The following PABIR3 variants were observed in gnomAD, a reference collection of about 807,000 sequenced individuals.
PABIR3 encodes the protein PABIR family member 1.
In PABIR3, 20 loss-of-function variants were observed where a neutral mutation model predicts 23.1. That is an observed-to-expected ratio of 0.86 (90% CI 0.61 to 1.26). The LOEUF (loss-of-function observed/expected upper bound fraction) is 1.26. Ranked by LOEUF, PABIR3 falls within the 50% of genes most tolerant of loss-of-function variation. PABIR3 has a pLI of 0.00. For missense variants in PABIR3, 189 were observed against 195.4 expected (o/e 0.97, Z 0.20); for synonymous variants, 69 against 68.5 (o/e 1.01, Z -0.04).
chrX:134,802,097 C>G (rs1405726676), intron 1 of PABIR3, among the ~76,000 whole-genome samples: 1 of 101,351 alleles, frequency 9.9e-6, no homozygotes, highest in Non-Finnish European at 2.0e-5. Context: ...CTTTTCTTTT[C>G]TTTTGAGATG....
intron 4 of PABIR3, chrX:134,839,686 G>T: frequency 8.8e-6 from 1 of 114,014 alleles, no homozygotes; most frequent in Non-Finnish European, 1.8e-5. Flanking sequence ...CAGGAGGGAG[G>T]TGGGGGGGTC....
At chrX:134,864,078 A>T in the PABIR3 span, among the ~76,000 whole-genome samples, 3 of 110,745 alleles carry the variant, frequency 2.7e-5, no homozygotes, top group Admixed American at 2.9e-4. Context: ...AGACAGTCTC[A>T]CTCACTTTGT....
At chrX:134,822,431 A>G (rs955658151) in intron 3 of PABIR3, 6 of 750,131 alleles carry the variant, frequency 8.0e-6, no homozygotes, top group Admixed American at 1.8e-4. Context: ...TTGTCCAATT[A>G]AAAAATTCTT....
At chrX:134,799,842 C>G (rs1442183921) in intron 1 of PABIR3, 1 of 109,930 alleles carries the variant, frequency 9.1e-6, no homozygotes. Context: ...GTGGTTGGCA[C>G]CTGTAATCCC....
At chrX:134,799,239 T>G (rs2079997717) in intron 1 of PABIR3, among the ~76,000 whole-genome samples, 1 of 112,006 alleles carries the variant, frequency 8.9e-6, no homozygotes, top group Admixed American at 9.5e-5. Flanking sequence ...TAGGCCATAA[T>G]AACAGAATTG....
At chrX:134,856,209 C>T (rs1404776525), downstream of PABIR3, among the ~76,000 whole-genome samples, 6 of 94,761 alleles carry the variant, frequency 6.3e-5, no homozygotes, top group Middle Eastern at 6.4e-3. Context: ...TTTTTTGAGA[C>T]GGAGTCTCGC....
chrX:134,852,796 A>C lies in PABIR3; in HGVS notation c.590-4A>C, dbSNP rs1243007019. ...ATCTACCTTGATCTGCTGTATTGTC[A>C]TAGGTGAAATGGCATTTCAATATCA... On this transcript the variant is annotated splice_region_variant and splice_polypyrimidine_tract_variant and intron_variant, in intron 9 of 10. Coordinates refer to ENST00000645433, the MANE Select transcript of PABIR3 (RefSeq NM_001388447.1). The C allele has an allele frequency of 1.8e-6, 2 of 1,104,690 alleles. No individual in the cohort carries two copies. The highest frequency in any genetic ancestry group is 2.4e-4 in the Middle Eastern group (1 of 4,143). 91.0% of individuals were successfully genotyped at this position (1,104,690 alleles called of 1,213,427 possible).
At chrX:134,828,043 C>CTATATA (rs369833437) in intron 3 of PABIR3, among the ~76,000 whole-genome samples, 209 of 66,548 alleles carry the variant, frequency 3.1e-3, no homozygotes, top group Non-Finnish European at 4.9e-3. Context: ...CTCTCTCTCT[C>CTATATA]TCTCTATATA....
intron 4 of PABIR3, among the ~76,000 whole-genome samples, chrX:134,843,703 G>A (rs1359077102): frequency 2.8e-5 from 3 of 107,015 alleles, no homozygotes; most frequent in African/African-American, 1.0e-4. Flanking sequence ...GAGTAGCTGG[G>A]ACTACATGCC....
At chrX:134,814,911 G>A in intron 3 of PABIR3, 62 bp downstream of exon 3, 1 of 877,978 alleles carries the variant, frequency 1.1e-6, no homozygotes, top group Non-Finnish European at 1.6e-6. Flanking sequence ...CTCAACCAAT[G>A]GTCTTCAAAC....
At chrX:134,827,140 T>C (rs1174972583) in intron 3 of PABIR3, among the ~76,000 whole-genome samples, 4 of 110,891 alleles carry the variant, frequency 3.6e-5, no homozygotes, top group African/African-American at 1.3e-4. Context: ...TTTGTATTTT[T>C]AGGAGAGACA....
intron 9 of PABIR3, among the ~76,000 whole-genome samples, 199 bp from the exon 10 acceptor site, chrX:134,852,600 TA>T (rs1245836433): frequency 9.0e-6 from 1 of 111,467 alleles, no homozygotes; most frequent in Non-Finnish European, 1.9e-5. Flanking sequence ...CAATTTTATT[TA>T]AAAAACAATT....
intron 6 of PABIR3, 61 bp downstream of exon 6, chrX:134,845,462 G>A (rs1299432589): frequency 1.1e-6 from 1 of 893,762 alleles, no homozygotes; most frequent in East Asian, 3.3e-5. Context: ...TTACAGTGTC[G>A]GCATATCTAG....
intron 4 of PABIR3, among the ~76,000 whole-genome samples, chrX:134,831,461 C>T (rs937580873): frequency 9.0e-6 from 1 of 111,683 alleles, no homozygotes; most frequent in African/African-American, 3.3e-5. Flanking sequence ...ATGTCTGGTT[C>T]TCTCCCCATT....
At chrX:134,802,367 G>A (rs1279034562), upstream of PABIR3, among the ~76,000 whole-genome samples, 2 of 111,987 alleles carry the variant, frequency 1.8e-5, no homozygotes, top group Non-Finnish European at 3.8e-5. Context: ...TTACAGGCAT[G>A]AGCCACCGTG....
intron 1 of PABIR3, 68 bp downstream of exon 1, chrX:134,807,409 T>C: frequency 9.8e-7 from 1 of 1,017,239 alleles, no homozygotes. Context: ...CAGTTCTGCC[T>C]AACTTTGTGT....
At chrX:134,829,180 A>G in intron 3 of PABIR3, 46 bp from the exon 4 acceptor site, 4 of 1,059,324 alleles carry the variant, frequency 3.8e-6, no homozygotes, top group Non-Finnish European at 5.3e-6. Flanking sequence ...GATGTAATTA[A>G]TCACAAACAT....
intron 9 of PABIR3, 43 bp from the exon 10 acceptor site, chrX:134,852,757 A>G (rs1234032573): frequency 1.3e-6 from 1 of 756,533 alleles, no homozygotes; most frequent in Admixed American, 4.8e-5. Context: ...AATAATAAAC[A>G]TGTTAAATAA....
intron 4 of PABIR3, among the ~76,000 whole-genome samples, chrX:134,840,721 ATTAT>A (rs1291721859): frequency 9.0e-6 from 1 of 110,969 alleles, no homozygotes; most frequent in Non-Finnish European, 1.9e-5. Context: ...AAACTGTTTG[ATTAT>A]TTAAGAACCT....
Sources: allele counts gnomAD v4.1 joint callset (sites outside exome capture counted in the v4.1 genomes callset), GRCh38; gene constraint gnomAD v4.1.1; transcripts MANE v1.5; gene names NCBI Gene and HGNC (gene_info 2026-07-23, HGNC 2026-07-21).